SLC9B1: variants seen among roughly 807,000 people sequenced by gnomAD.
SLC9B1 encodes sodium/hydrogen exchanger 9B1.
Under a neutral mutation model 51.7 loss-of-function variants are expected in SLC9B1, and 32 were observed. The observed-to-expected ratio is 0.62, with a 90% CI of 0.47 to 0.83. The LOEUF (loss-of-function observed/expected upper bound fraction) is 0.83. Among genes scored for constraint, SLC9B1 ranks in the 40% least tolerant of loss-of-function variants. SLC9B1 has a pLI of 0.00. For synonymous variants in SLC9B1, 145 were observed against 212.7 expected, an observed-to-expected ratio of 0.68 and a Z score of 2.77; for missense variants, 406 against 613.2, an observed-to-expected ratio of 0.66 and a Z score of 3.57.
chr4:102,925,601 T>C (rs371583821), intron 7 of SLC9B1, among the ~76,000 whole-genome samples: 2 of 151,524 alleles, frequency 1.3e-5, no homozygotes, highest in East Asian at 3.9e-4. Context: ...GTACAAAAAT[T>C]ATAAATTTTA....
At chr4:102,970,982 A>G (rs775163199) in intron 3 of SLC9B1, among the ~76,000 whole-genome samples, 1 of 152,344 alleles carries the variant, frequency 6.6e-6, no homozygotes, top group Middle Eastern at 3.4e-3. Flanking sequence ...ACCCAGATTC[A>G]TAAAGCAAGT....
At chr4:102,960,719 ACTTT>A (rs1292724487) in intron 3 of SLC9B1, among the ~76,000 whole-genome samples, 20 of 150,024 alleles carry the variant, frequency 1.3e-4, no homozygotes, top group African/African-American at 2.4e-4. Flanking sequence ...ATTAAGCTTT[ACTTT>A]CTTTCTTTCT....
chr4:102,982,152 T>C (rs560264612), intron 3 of SLC9B1, among the ~76,000 whole-genome samples: 3 of 152,250 alleles, frequency 2.0e-5, no homozygotes, highest in African/African-American at 7.2e-5. Flanking sequence ...TGATGTATAG[T>C]TGAAAAGATT....
chr4:102,917,720 A>G (rs1735653379), intron 7 of SLC9B1, among the ~76,000 whole-genome samples: 3 of 152,166 alleles, frequency 2.0e-5, no homozygotes, highest in Admixed American at 1.3e-4. Flanking sequence ...ACACCTCAAG[A>G]AACTGGAAAA....
intron 3 of SLC9B1, among the ~76,000 whole-genome samples, chr4:102,970,794 T>C (rs1232799860): frequency 6.6e-6 from 1 of 152,070 alleles, no homozygotes; most frequent in Non-Finnish European, 1.5e-5. Flanking sequence ...TAGAGGAATA[T>C]CTACCAAGAA....
intron 1 of SLC9B1, among the ~76,000 whole-genome samples, chr4:103,017,154 A>G (rs1230497302): frequency 6.6e-6 from 1 of 152,120 alleles, no homozygotes; most frequent in African/African-American, 2.4e-5. Flanking sequence ...CATCACCTCT[A>G]TATTCAAAAC....
intron 11 of SLC9B1, among the ~76,000 whole-genome samples, chr4:102,903,469 A>T (rs950047822): frequency 2.3e-4 from 35 of 152,366 alleles, no homozygotes; most frequent in African/African-American, 8.2e-4. Context: ...CATAGACTTC[A>T]TTGTAAGATG....
chr4:102,948,232 T>C (rs1392372273), intron 4 of SLC9B1, among the ~76,000 whole-genome samples: 1 of 151,714 alleles, frequency 6.6e-6, no homozygotes, highest in Non-Finnish European at 1.5e-5. Flanking sequence ...CAAAGGTGAC[T>C]GAAACTTAAT....
chr4:102,927,525 A>G (rs564726885), intron 7 of SLC9B1, among the ~76,000 whole-genome samples: 19 of 152,358 alleles, frequency 1.2e-4, no homozygotes, highest in African/African-American at 3.8e-4. Flanking sequence ...CCACAATGAG[A>G]TATCATCTCA....
rs143441157 is a variant in SLC9B1, at chr4:102,938,046, C to T, written c.654-5747G>A. 1.1e-4 allele frequency among the ~76,000 whole-genome samples: 16 copies of T among 152,130 alleles called. No homozygotes were observed. In the East Asian group the frequency reaches 3.1e-3, roughly 29 times the overall value. On this transcript the variant is annotated intron_variant, in intron 6 of 11. Transcript: ENST00000296422. ...TATCAATATTAACTGTGAATGTAAACAGTATAAACGCCCCACTTAAAACTC... is the reference window on the plus strand; with the variant it reads ...TATCAATATTAACTGTGAATGTAAATAGTATAAACGCCCCACTTAAAACTC...
At chr4:102,903,330 AT>A (rs1734873385) in intron 11 of SLC9B1, among the ~76,000 whole-genome samples, 1 of 152,234 alleles carries the variant, frequency 6.6e-6, no homozygotes. Context: ...TATTATTTAT[AT>A]TACTTGAAGG....
At chr4:103,015,942 C>A (rs1384045445) in intron 1 of SLC9B1, among the ~76,000 whole-genome samples, 2 of 151,618 alleles carry the variant, frequency 1.3e-5, no homozygotes, top group African/African-American at 4.8e-5. Context: ...ACCAGCCTGG[C>A]CATGGTAAAA....
intron 7 of SLC9B1, among the ~76,000 whole-genome samples, chr4:102,930,728 A>T (rs553295291): frequency 2.0e-5 from 3 of 151,882 alleles, no homozygotes; most frequent in Admixed American, 6.6e-5. Flanking sequence ...ATTAAAAAAA[A>T]TTTTTATAGC....
At chr4:102,972,124 C>T (rs1738795887) in intron 3 of SLC9B1, among the ~76,000 whole-genome samples, 1 of 152,146 alleles carries the variant, frequency 6.6e-6, no homozygotes, top group Non-Finnish European at 1.5e-5. Context: ...ACAGGGAATC[C>T]TCCCTACCAC....
intron 3 of SLC9B1, among the ~76,000 whole-genome samples, chr4:102,954,606 G>A (rs1444277903): frequency 6.6e-6 from 1 of 152,122 alleles, no homozygotes. Flanking sequence ...ATCATTCAAT[G>A]TTGAATTCTG....
chr4:102,979,615 A>T (rs1223937208), intron 3 of SLC9B1, among the ~76,000 whole-genome samples: 1 of 152,202 alleles, frequency 6.6e-6, no homozygotes, highest in Non-Finnish European at 1.5e-5. Flanking sequence ...TGGGGGAAGC[A>T]CTGGCCCTCC....
chr4:102,900,258 A>C (rs1275771802), downstream of SLC9B1, among the ~76,000 whole-genome samples: 1 of 152,228 alleles, frequency 6.6e-6, no homozygotes, highest in East Asian at 1.9e-4. Context: ...AGAGTCTTGA[A>C]GTTAATTAAA....
chr4:102,986,118 C>T (rs1739608362), intron 3 of SLC9B1, among the ~76,000 whole-genome samples: 1 of 152,024 alleles, frequency 6.6e-6, no homozygotes, highest in South Asian at 2.1e-4. Flanking sequence ...CTCTGAAGAC[C>T]ATCTTTTAAC....
intron 3 of SLC9B1, among the ~76,000 whole-genome samples, chr4:102,968,320 T>C (rs1738540765): frequency 6.6e-6 from 1 of 152,232 alleles, no homozygotes; most frequent in Non-Finnish European, 1.5e-5. Context: ...CCTAGATCCT[T>C]AGGTCATATG....
Sources: gnomAD v4.1 joint callset for allele counts (sites outside exome capture counted in the v4.1 genomes callset) on GRCh38, gnomAD v4.1.1 for gene constraint, MANE v1.5 for transcripts, NCBI Gene and HGNC (gene_info 2026-07-23, HGNC 2026-07-21) for gene names.